The following UNC79 variants were observed in gnomAD, a reference collection of about 807,000 sequenced individuals.
UNC79 encodes the protein unc-79 subunit of NALCN channel complex.
A neutral mutation model predicts 283.1 loss-of-function variants in UNC79; 37 were observed. The ratio of observed to expected loss-of-function variants is 0.13; its 90% CI spans 0.10 to 0.17. The LOEUF is 0.17. UNC79 is among the 10% of genes least tolerant of loss of function. The pLI is 1.00. For synonymous variants in UNC79, 1,107 were observed against 1,200.2 expected (o/e 0.92, Z 1.61); for missense variants, 2,272 against 3,211.1 (o/e 0.71, Z 7.07).
intron 14 of UNC79, among the ~76,000 whole-genome samples, chr14:93,567,838 G>T (rs766137296): frequency 6.6e-6 from 1 of 151,850 alleles, no homozygotes; most frequent in South Asian, 2.1e-4. Flanking sequence ...CAAGGTGCTC[G>T]GGCACAGCTT....
At chr14:93,497,807 G>A (rs939329836) in intron 7 of UNC79, among the ~76,000 whole-genome samples, 3 of 152,074 alleles carry the variant, frequency 2.0e-5, no homozygotes, top group Non-Finnish European at 4.4e-5. Flanking sequence ...CTAACATGGT[G>A]AAACCCCGTC....
chr14:93,701,753 A>G (rs2075546584), intron 47 of UNC79, among the ~76,000 whole-genome samples: 2 of 152,342 alleles, frequency 1.3e-5, no homozygotes, highest in African/African-American at 4.8e-5. Context: ...AACTGGATAC[A>G]TTTAGTCACG....
At position 93,374,419 on chromosome 14, in the gene UNC79, C is replaced by T. The variant is rs569206185; in HGVS notation, c.-351+40896C>T. On this transcript the variant is annotated intron_variant, in intron 1 of 49. Coordinates refer to the UNC79 transcript ENST00000256339. ...CTTCAGCTTTAAGGTTTAATGTTTACCCTGCTGGGTTTCCGACTTGCTTGG... is the reference window on the plus strand; with the variant it reads ...CTTCAGCTTTAAGGTTTAATGTTTATCCTGCTGGGTTTCCGACTTGCTTGG... Among the ~76,000 whole-genome samples the T allele has an allele frequency of 5.9e-5, 9 of 152,332 alleles. No homozygotes were observed. The South Asian group carries it at 1.0e-3, about 18-fold the overall frequency.
chr14:93,582,133 T>G (rs1413621026), intron 19 of UNC79, 70 bp from the exon 20 acceptor site: 335 of 1,598,306 alleles, frequency 2.1e-4, no homozygotes, highest in Non-Finnish European at 2.6e-4. Flanking sequence ...CCAGCTTTGC[T>G]GAGCTGAGCA....
At chr14:93,401,994 T>A (rs1024425402) in intron 1 of UNC79, among the ~76,000 whole-genome samples, 2 of 152,062 alleles carry the variant, frequency 1.3e-5, no homozygotes, top group African/African-American at 4.8e-5. Flanking sequence ...AAATACAGCA[T>A]AGGCCGGGTA....
intron 20 of UNC79, among the ~76,000 whole-genome samples, chr14:93,583,887 C>T (rs957524396): frequency 6.6e-6 from 1 of 151,446 alleles, no homozygotes; most frequent in East Asian, 1.9e-4. Flanking sequence ...CTCACTCCAG[C>T]CTTGACCACC....
intron 9 of UNC79, 74 bp from the exon 10 acceptor site, chr14:93,529,212 G>A (rs187400214): frequency 3.2e-5 from 49 of 1,517,804 alleles, no homozygotes; most frequent in Admixed American, 7.0e-5. Flanking sequence ...GCACTAGTGT[G>A]CAGCTTATAA....
chr14:93,473,316 C>A (rs544360116), intron 2 of UNC79, among the ~76,000 whole-genome samples: 1 of 152,090 alleles, frequency 6.6e-6, no homozygotes, highest in African/African-American at 2.4e-5. Flanking sequence ...TGTTTCCTCC[C>A]CAACATGCAA....
At chr14:93,564,416 C>T (rs1026464740) in intron 14 of UNC79, among the ~76,000 whole-genome samples, 3 of 152,074 alleles carry the variant, frequency 2.0e-5, no homozygotes, top group Non-Finnish European at 2.9e-5. Flanking sequence ...AGGGAGAGCA[C>T]GTGTGTTACC....
intron 37 of UNC79, among the ~76,000 whole-genome samples, chr14:93,654,460 C>T (rs1353955549): frequency 6.7e-6 from 1 of 148,642 alleles, no homozygotes. Context: ...GGCTACATTA[C>T]ACTCCAAGTT....
At chr14:93,392,200 C>G (rs776203547) in intron 1 of UNC79, among the ~76,000 whole-genome samples, 18 of 151,938 alleles carry the variant, frequency 1.2e-4, no homozygotes, top group Non-Finnish European at 2.4e-4. Flanking sequence ...CAAGAAGTGA[C>G]AAAGAAGTCT....
chr14:93,428,110 A>AT (rs1303437629), upstream of UNC79, among the ~76,000 whole-genome samples: 8 of 152,288 alleles, frequency 5.3e-5, no homozygotes, highest in East Asian at 7.7e-4. Flanking sequence ...CTATTAGGAA[A>AT]TTATTAGTGA....
chr14:93,407,310 C>T (rs1049810630), intron 1 of UNC79, among the ~76,000 whole-genome samples: 34 of 152,276 alleles, frequency 2.2e-4, no homozygotes, highest in Admixed American at 6.5e-5. Flanking sequence ...TACAGAGAAT[C>T]ACAGGTTACA....
rs145572912 is a variant in UNC79, at chr14:93,353,789, A to G, written c.-351+20266A>G. On this transcript the variant is annotated intron_variant, in intron 1 of 49. Coordinates refer to the UNC79 transcript ENST00000256339. ...ACTGTACACCACTGTACACTGTGCT[A>G]GGAACTGGATATTTACTGAAGAACC... Among the ~76,000 whole-genome samples the G allele has an allele frequency of 3.7e-3, 557 of 152,354 alleles. 4 individuals are homozygous for G. Among genetic ancestry groups the G allele is most frequent in the African/African-American group, 0.013 (526 of 41,586 alleles).
At chr14:93,519,755 A>G (rs1411331079) in intron 7 of UNC79, among the ~76,000 whole-genome samples, 2 of 151,820 alleles carry the variant, frequency 1.3e-5, no homozygotes, top group African/African-American at 4.8e-5. Context: ...ATGCACTTTT[A>G]ACTTCACAGT....
Position 93,528,767 on chromosome 14 carries a change from G to A in UNC79, c.1052+121G>A, listed in dbSNP as rs191865984. On this transcript the variant is annotated intron_variant, in intron 9 of 48. Coordinates refer to ENST00000555664, the Ensembl canonical transcript of UNC79. ...CTCTCTAGCCTCTCTGATTTTTAAAGGTTAATTATTCTGATACTTAACATA... is the reference window on the plus strand; with the variant it reads ...CTCTCTAGCCTCTCTGATTTTTAAAAGTTAATTATTCTGATACTTAACATA... The A allele has an allele frequency of 1.2e-3, 1,078 of 936,640 alleles. 5 individuals are homozygous for A. In the African/African-American group the frequency reaches 0.014, roughly 12 times the overall value. The allele number at this position is 936,640 out of a possible 1,614,324, so 58.0% of individuals were successfully genotyped here.
chr14:93,702,539 A>AAATG (rs2075606601), intron 47 of UNC79, among the ~76,000 whole-genome samples: 1 of 152,242 alleles, frequency 6.6e-6, no homozygotes, highest in African/African-American at 2.4e-5. Flanking sequence ...ACAGGGAGAG[A>AAATG]AATGCAGCTT....
chr14:93,415,571 A>G (rs2055434707), intron 1 of UNC79, among the ~76,000 whole-genome samples: 2 of 151,768 alleles, frequency 1.3e-5, no homozygotes, highest in African/African-American at 4.8e-5. Flanking sequence ...TTTTCTATTG[A>G]TTGGAATAGT....
chr14:93,404,797 C>T lies in UNC79; in HGVS notation c.-350-62874C>T, dbSNP rs1288163152. Among the ~76,000 whole-genome samples the T allele has an allele frequency of 4.6e-5, 7 of 151,544 alleles. No homozygotes were observed. The East Asian group carries it at 7.7e-4, about 17-fold the overall frequency. On this transcript the variant is annotated intron_variant, in intron 1 of 49. Coordinates refer to the UNC79 transcript ENST00000256339. ...GTAAAAAATAAAATTTGGCTATTTG[C>T]GTCTTAAAGGAGACAAGCTTAAAAC...
Sources: allele counts gnomAD v4.1 joint callset (sites outside exome capture counted in the v4.1 genomes callset), GRCh38; gene constraint gnomAD v4.1.1; transcripts MANE v1.5; gene names NCBI Gene and HGNC (gene_info 2026-07-23, HGNC 2026-07-21).